Variants in DPP10 observed in about 807,000 individuals in gnomAD.
The protein encoded by DPP10 is dipeptidyl peptidase like 10, also known as inactive dipeptidyl peptidase 10.
DPP10 carries 33 observed loss-of-function variants against 120.9 expected under a neutral mutation model. The observed-to-expected ratio is 0.27, with a 90% CI of 0.21 to 0.37. The LOEUF is 0.37. DPP10 is among the 10% of genes least tolerant of loss of function. The probability of loss-of-function intolerance (pLI) is 1.00; values close to 1 mark genes in which losing one functional copy is unlikely to be tolerated. For missense variants in DPP10, 816 were observed against 942.8 expected (o/e 0.87, Z 1.76); for synonymous variants, 337 against 326.1 (o/e 1.03, Z -0.36).
intron 1 of DPP10, among the ~76,000 whole-genome samples, chr2:115,192,003 G>A (rs945356196): frequency 1.3e-5 from 2 of 152,140 alleles, no homozygotes; most frequent in African/African-American, 4.8e-5. Flanking sequence ...GTCTTTTTGG[G>A]GAACAGTTCA....
chr2:114,619,568 A>G (rs1693937392), intron 1 of DPP10, among the ~76,000 whole-genome samples: 1 of 151,798 alleles, frequency 6.6e-6, no homozygotes, highest in Non-Finnish European at 1.5e-5. Flanking sequence ...CAACTCTGAA[A>G]GGATTTTCCA....
chr2:114,943,955 T>C (rs1697164643), intron 1 of DPP10, among the ~76,000 whole-genome samples: 1 of 152,184 alleles, frequency 6.6e-6, no homozygotes, highest in Non-Finnish European at 1.5e-5. Context: ...CAACATAAGA[T>C]GTTATGGCTG....
rs145287771 is a variant in DPP10, at chr2:115,079,281, G to C, written c.61-229958G>C. On this transcript the variant is annotated intron_variant, in intron 1 of 25. Coordinates refer to ENST00000410059, the MANE Select transcript of DPP10 (RefSeq NM_020868.6). Reference sequence around the variant, plus strand: ...TGTAATCCAAGCTACTCAGGAGGCTGAGGCAGGAGGATGGCGTGAACCCGG... The same window carrying C: ...TGTAATCCAAGCTACTCAGGAGGCTCAGGCAGGAGGATGGCGTGAACCCGG... Among the ~76,000 whole-genome samples the C allele has an allele frequency of 1.9e-3, 283 of 152,178 alleles. 2 individuals carry two copies. The highest frequency in any genetic ancestry group is 6.4e-3 in the African/African-American group (266 of 41,520).
At chr2:115,416,483 G>A (rs1181656135) in intron 3 of DPP10, among the ~76,000 whole-genome samples, 1 of 152,044 alleles carries the variant, frequency 6.6e-6, no homozygotes, top group African/African-American at 2.4e-5. Flanking sequence ...TCTAGCCAAA[G>A]CAGGTGCATG....
chr2:115,575,513 G>A (rs1440267588), intron 5 of DPP10, among the ~76,000 whole-genome samples: 2 of 152,168 alleles, frequency 1.3e-5, no homozygotes, highest in Non-Finnish European at 2.9e-5. Context: ...ACGTACAGAA[G>A]CTAGGAGCTT....
intron 1 of DPP10, among the ~76,000 whole-genome samples, chr2:114,643,931 A>ATT (rs1313618696): frequency 7.7e-6 from 1 of 129,384 alleles, no homozygotes; most frequent in African/African-American, 3.2e-5. Context: ...ATATATATAT[A>ATT]TATATTTTTT....
At chr2:114,808,855 TCCCC>T (rs1684956283) in intron 1 of DPP10, among the ~76,000 whole-genome samples, 1 of 152,070 alleles carries the variant, frequency 6.6e-6, no homozygotes, top group Non-Finnish European at 1.5e-5. Flanking sequence ...TGCATTCCAC[TCCCC>T]ACCCCTAGTT....
At chr2:115,263,546 C>T (rs2059338660) in intron 1 of DPP10, among the ~76,000 whole-genome samples, 1 of 152,184 alleles carries the variant, frequency 6.6e-6, no homozygotes, top group Admixed American at 6.5e-5. Context: ...CAAGCTTCAT[C>T]CTCTTAGTTA....
At position 114,859,195 on chromosome 2, in the gene DPP10, A is replaced by G. The variant is rs560922796; in HGVS notation, c.60+416357A>G. Among the ~76,000 whole-genome samples the G allele has an allele frequency of 3.9e-5, 6 of 151,906 alleles. No homozygotes were observed. The South Asian group carries it at 1.3e-3, about 32-fold the overall frequency. On this transcript the variant is annotated intron_variant, in intron 1 of 25. Coordinates refer to ENST00000410059, the MANE Select transcript of DPP10 (RefSeq NM_020868.6). Reference sequence around the variant, plus strand: ...AAAAAAAGAAAAAAAGAACAAACAAACAAACAAAAAAACCCCACAGAATTA... The same window carrying G: ...AAAAAAAGAAAAAAAGAACAAACAAGCAAACAAAAAAACCCCACAGAATTA...
chr2:115,637,967 G>C (rs1204924876), intron 5 of DPP10, among the ~76,000 whole-genome samples: 4 of 152,222 alleles, frequency 2.6e-5, no homozygotes, highest in Non-Finnish European at 2.9e-5. Context: ...GTAACCTGTA[G>C]AAGAAGAGCC....
chr2:115,743,313 T>C (rs992096942), intron 9 of DPP10, among the ~76,000 whole-genome samples: 3 of 152,052 alleles, frequency 2.0e-5, no homozygotes, highest in African/African-American at 7.2e-5. Flanking sequence ...AACGCTTAGT[T>C]GAGATGTTCA....
At chr2:115,135,807 A>G (rs1055859089) in intron 1 of DPP10, among the ~76,000 whole-genome samples, 1 of 152,204 alleles carries the variant, frequency 6.6e-6, no homozygotes, top group African/African-American at 2.4e-5. Flanking sequence ...ACCATTTTGC[A>G]GAAGGTTTCT....
chr2:114,878,880 T>A (rs1574401391), intron 1 of DPP10, among the ~76,000 whole-genome samples: 1 of 152,156 alleles, frequency 6.6e-6, no homozygotes, highest in Non-Finnish European at 1.5e-5. Context: ...TTGTAAGTAG[T>A]GCTACAATAA....
At chr2:114,489,644 T>G (rs889512217) in intron 1 of DPP10, among the ~76,000 whole-genome samples, 5 of 152,178 alleles carry the variant, frequency 3.3e-5, no homozygotes, top group African/African-American at 1.2e-4. Flanking sequence ...GCAAGAGAAT[T>G]GTCTTTTTTT....
intron 5 of DPP10, among the ~76,000 whole-genome samples, chr2:115,664,617 C>G (rs2089293748): frequency 1.3e-5 from 2 of 152,228 alleles, no homozygotes; most frequent in South Asian, 2.1e-4. Context: ...GGAAGCTTGT[C>G]AGTAGAATGT....
intron 1 of DPP10, among the ~76,000 whole-genome samples, chr2:114,942,119 A>G (rs1262362136): frequency 4.6e-5 from 7 of 150,988 alleles, no homozygotes; most frequent in African/African-American, 1.7e-4. Flanking sequence ...TAAAAATACA[A>G]AAAATTAGCC....
At chr2:114,855,566 T>C (rs1330975981) in intron 1 of DPP10, among the ~76,000 whole-genome samples, 1 of 152,216 alleles carries the variant, frequency 6.6e-6, no homozygotes, top group African/African-American at 2.4e-5. Flanking sequence ...CTTCCTTCTC[T>C]GTATGACAAC....
At chr2:114,805,290 C>T (rs1158497531) in intron 1 of DPP10, among the ~76,000 whole-genome samples, 1 of 152,076 alleles carries the variant, frequency 6.6e-6, no homozygotes, top group Non-Finnish European at 1.5e-5. Flanking sequence ...TAGTAGTTGC[C>T]CTTCATGAAA....
intron 1 of DPP10, among the ~76,000 whole-genome samples, chr2:114,862,333 C>A (rs377009038): frequency 6.6e-5 from 10 of 151,996 alleles, no homozygotes; most frequent in Admixed American, 2.6e-4. Flanking sequence ...AAAGAAAATT[C>A]TTTTTCTACC....
Sources: allele counts gnomAD v4.1 joint callset (sites outside exome capture counted in the v4.1 genomes callset), GRCh38; gene constraint gnomAD v4.1.1; transcripts MANE v1.5; gene names NCBI Gene and HGNC (gene_info 2026-07-23, HGNC 2026-07-21).